Variants in VRK1 observed in about 807,000 individuals in gnomAD.
VRK1 encodes the protein VRK serine/threonine kinase 1.
Under a neutral mutation model 57.1 loss-of-function variants are expected in VRK1, and 33 were observed. That is an observed-to-expected ratio of 0.58 (90% CI 0.44 to 0.77). The LOEUF (loss-of-function observed/expected upper bound fraction) is 0.77, where lower values mean the gene tolerates loss of function less well. Among genes scored for constraint, VRK1 ranks in the 30% least tolerant of loss-of-function variants. The probability of loss-of-function intolerance (pLI) is 0.00; values close to 1 mark genes in which losing one functional copy is unlikely to be tolerated. For missense variants in VRK1, 413 were observed against 477.3 expected (o/e 0.87, Z 1.25); for synonymous variants, 137 against 147.8 (o/e 0.93, Z 0.53).
At chr14:96,837,472 A>G (rs576121199) in intron 2 of VRK1, among the ~76,000 whole-genome samples, 18 of 152,340 alleles carry the variant, frequency 1.2e-4, no homozygotes, top group African/African-American at 4.3e-4. Context: ...ATCAAAGGCT[A>G]TTAGTACTTT....
At chr14:96,827,781 GCT>G (rs1886856599) in intron 1 of VRK1, among the ~76,000 whole-genome samples, 1 of 151,800 alleles carries the variant, frequency 6.6e-6, no homozygotes, top group South Asian at 2.1e-4. Context: ...TTGTTTTCTA[GCT>G]CCTGAATGGA....
chr14:96,816,406 G>C (rs1003698922), intron 1 of VRK1, among the ~76,000 whole-genome samples: 1 of 152,164 alleles, frequency 6.6e-6, no homozygotes, highest in Non-Finnish European at 1.5e-5. Flanking sequence ...CCTTAGGTAA[G>C]ATTTATTGAG....
At chr14:96,837,713 TTTATAA>T in intron 2 of VRK1, 43 bp from the exon 3 acceptor site, 1 of 1,192,516 alleles carries the variant, frequency 8.4e-7, no homozygotes. Context: ...TATTAATATA[TTTATAA>T]TATTACTTGT....
At chr14:96,821,511 T>G (rs1451647876) in intron 1 of VRK1, among the ~76,000 whole-genome samples, 1 of 152,210 alleles carries the variant, frequency 6.6e-6, no homozygotes, top group Non-Finnish European at 1.5e-5. Flanking sequence ...GGCTAAAAAG[T>G]CATTGCTGTT....
chr14:96,803,918 A>T (rs1263254245), intron 1 of VRK1, among the ~76,000 whole-genome samples: 1 of 152,192 alleles, frequency 6.6e-6, no homozygotes, highest in African/African-American at 2.4e-5. Flanking sequence ...TATGTTGTGT[A>T]TACAAAATCC....
At chr14:96,872,215 G>T (rs561078019) in intron 11 of VRK1, among the ~76,000 whole-genome samples, 2 of 152,034 alleles carry the variant, frequency 1.3e-5, no homozygotes, top group Non-Finnish European at 2.9e-5. Context: ...AGTTATGTTT[G>T]ACCTTTCTCT....
intron 12 of VRK1, chr14:96,877,253 A>G (rs927205342): frequency 3.1e-5 from 8 of 259,348 alleles, no homozygotes; most frequent in African/African-American, 1.6e-4. Flanking sequence ...CACAGTATTC[A>G]ACTTTCAAAG....
intron 1 of VRK1, among the ~76,000 whole-genome samples, chr14:96,823,040 C>G (rs1886661953): frequency 1.3e-5 from 2 of 152,216 alleles, no homozygotes; most frequent in South Asian, 4.1e-4. Context: ...TCAACTCCTT[C>G]AAGTCCTTGT....
chr14:96,880,252 A>C (rs1044108042), intron 12 of VRK1, among the ~76,000 whole-genome samples: 3 of 152,230 alleles, frequency 2.0e-5, no homozygotes, highest in African/African-American at 7.2e-5. Context: ...TACACATGGT[A>C]GAATTTTGTT....
rs1393342421 is a variant in VRK1 at position 96,881,521 on chromosome 14, C to T, written c.*313C>T. 1 of 233,582 alleles carries T rather than the reference C, an allele frequency of 4.3e-6. No homozygotes were observed. The highest frequency in any genetic ancestry group is 8.3e-6 in the Non-Finnish European group (1 of 120,764). 14.5% of individuals were successfully genotyped at this position (233,582 alleles called of 1,614,324 possible). A position where few individuals can be genotyped will look rare whatever the true frequency, so the allele number is the denominator to read the frequency against. On this transcript the variant is annotated 3_prime_UTR_variant, in exon 13 of 13. Transcript: ENST00000216639. ...ACTTTTCTAATCATTGTACATTTCT[C>T]AGAGTGGATAAAAATGTTTGACAAA...
At chr14:96,812,172 T>C (rs1313876070) in intron 1 of VRK1, among the ~76,000 whole-genome samples, 1 of 152,238 alleles carries the variant, frequency 6.6e-6, no homozygotes, top group Non-Finnish European at 1.5e-5. Flanking sequence ...ATTTGATTTA[T>C]CCATTCATCA....
intron 12 of VRK1, among the ~76,000 whole-genome samples, chr14:96,880,459 C>G (rs1383816112): frequency 6.6e-6 from 1 of 152,186 alleles, no homozygotes; most frequent in Non-Finnish European, 1.5e-5. Context: ...CAGCCGTGAT[C>G]AGGCTAACTG....
chr14:96,843,011 C>T (rs10149364), intron 3 of VRK1, among the ~76,000 whole-genome samples: 19,779 of 152,200 alleles, frequency 0.13, 1,635 homozygotes, highest in Non-Finnish European at 0.19. Flanking sequence ...ACCCACAAAT[C>T]TCTTATTTGG....
chr14:96,832,166 G>A (rs926466546), intron 1 of VRK1, among the ~76,000 whole-genome samples: 2 of 152,078 alleles, frequency 1.3e-5, no homozygotes, highest in South Asian at 2.1e-4. Flanking sequence ...CAGATAAGGA[G>A]TTTGTGTATT....
chr14:96,810,352 C>T lies in VRK1; in HGVS notation c.-6+12905C>T, dbSNP rs553387852. Among the ~76,000 whole-genome samples the T allele has an allele frequency of 3.4e-4, 52 of 152,144 alleles. No individual in the cohort carries two copies. The East Asian group carries it at 8.7e-3, about 25-fold the overall frequency. Reference sequence around the variant, plus strand: ...TCCAATGTATCCATCTTTTCCTTTACGGGTAGTGTTTTTTTGTGTTTAAGA... The same window carrying T: ...TCCAATGTATCCATCTTTTCCTTTATGGGTAGTGTTTTTTTGTGTTTAAGA... On this transcript the variant is annotated intron_variant, in intron 1 of 12. Coordinates refer to ENST00000216639, the MANE Select transcript of VRK1 (RefSeq NM_003384.3).
At position 96,822,167 on chromosome 14, in the gene VRK1, T is replaced by C. The variant is rs565810423; in HGVS notation, c.-5-11300T>C. Among the ~76,000 whole-genome samples the C allele has an allele frequency of 6.6e-5, 10 of 151,942 alleles. No individual in the cohort carries two copies. In the South Asian group the frequency reaches 2.1e-3, roughly 32 times the overall value. ...AATTATTTTTCTCTACTGAATAAAATATAAGCTCCATGAAGGCAGGAGTTT... is the reference window on the plus strand; with the variant it reads ...AATTATTTTTCTCTACTGAATAAAACATAAGCTCCATGAAGGCAGGAGTTT... On this transcript the variant is annotated intron_variant, in intron 1 of 12. Coordinates refer to ENST00000216639, the MANE Select transcript of VRK1 (RefSeq NM_003384.3).
At chr14:96,802,565 C>G (rs78187644) in intron 1 of VRK1, among the ~76,000 whole-genome samples, 1 of 152,162 alleles carries the variant, frequency 6.6e-6, no homozygotes, top group Non-Finnish European at 1.5e-5. Flanking sequence ...AAATGCAGAA[C>G]AGACCGGTTT....
intron 3 of VRK1, among the ~76,000 whole-genome samples, chr14:96,841,465 G>A (rs1887457926): frequency 6.6e-6 from 1 of 151,994 alleles, no homozygotes; most frequent in Non-Finnish European, 1.5e-5. Context: ...TCTTCTCTTT[G>A]TAATTAGGAC....
At chr14:96,844,382 T>A (rs573278955) in intron 3 of VRK1, among the ~76,000 whole-genome samples, 1 of 152,330 alleles carries the variant, frequency 6.6e-6, no homozygotes, top group South Asian at 2.1e-4. Flanking sequence ...GATACTACTG[T>A]CTTCCAAGGT....
Sources: allele counts gnomAD v4.1 joint callset (sites outside exome capture counted in the v4.1 genomes callset), GRCh38; gene constraint gnomAD v4.1.1; transcripts MANE v1.5; gene names NCBI Gene and HGNC (gene_info 2026-07-23, HGNC 2026-07-21).